The following GALNT9 variants were observed in gnomAD, a reference collection of about 807,000 sequenced individuals.
GALNT9 encodes polypeptide N-acetylgalactosaminyltransferase 9, also known as GalNAc transferase 9.
GALNT9 carries 47 observed loss-of-function variants against 63.1 expected under a neutral mutation model. That is an observed-to-expected ratio of 0.75 (90% CI 0.59 to 0.95). GALNT9 has a LOEUF of 0.95. Ranked by LOEUF, GALNT9 falls within the 40% of genes least tolerant of loss-of-function variation. GALNT9 has a pLI of 0.00. For synonymous variants in GALNT9, 396 were observed against 365.7 expected (o/e 1.08, Z -0.94); for missense variants, 829 against 874.8 (o/e 0.95, Z 0.66).
intron 6 of GALNT9, among the ~76,000 whole-genome samples, chr12:132,228,010 T>A (rs1716054039): frequency 6.6e-6 from 1 of 152,012 alleles, no homozygotes; most frequent in South Asian, 2.1e-4. Flanking sequence ...GAGTGGCCCG[T>A]CTTGTAGCTA....
At chr12:132,276,622 T>C (rs2135554467) in intron 2 of GALNT9, 1 of 154,538 alleles carries the variant, frequency 6.5e-6, no homozygotes, top group South Asian at 2.0e-4. Flanking sequence ...AGCAGGGGCA[T>C]GTTACTGTGC....
rs1453230793 is a variant in GALNT9, at chr12:132,252,018, G to A, written c.960-3991C>T. ...ACCTTGCTCACGTGATGGGGGTGCC[G>A]GATCTTAACTGGGATCCCAGGAATC... On this transcript the variant is annotated intron_variant, in intron 5 of 10. Transcript: ENST00000328957. The surrounding 1 kb of genome is among the most constrained non-coding windows in gnomAD (Gnocchi z 5.2). 2.6e-5 allele frequency among the ~76,000 whole-genome samples: 4 copies of A among 152,222 alleles called. No individual in the cohort carries two copies. The highest frequency in any genetic ancestry group is 4.4e-5 in the Non-Finnish European group (3 of 68,042).
chr12:132,308,606 G>A (rs1555244865), intron 1 of GALNT9, among the ~76,000 whole-genome samples: 1 of 152,156 alleles, frequency 6.6e-6, no homozygotes, highest in Admixed American at 6.5e-5. Context: ...AGGGACCCTC[G>A]ACCGCCAGGG....
chr12:132,257,838 C>A lies in GALNT9; in HGVS notation c.810G>T (p.Val270=), dbSNP rs1043834119. 1.9e-6 allele frequency: 3 copies of A among 1,549,502 alleles called. No individual in the cohort carries two copies. The highest frequency in any genetic ancestry group is 2.7e-5 in the African/African-American group (2 of 73,024). The change falls in exon 5 of 11, where the codon GTG becomes GTT. Residue 270 remains valine (V), a synonymous_variant. Coordinates refer to ENST00000328957, the MANE Select transcript of GALNT9 (RefSeq NM_001122636.2). The part of the protein sequence containing the change: ...SRIREDRRRI[V]LPAIDNIKYS... ...ACTTGATGTTGTCGATGGCTGGCAG[C>A]ACGATGCGACGCCGGTCCTCTCGGA... is the stretch of plus-strand genomic sequence containing the variant.
At chr12:132,306,460 G>A (rs1412950230) in intron 1 of GALNT9, among the ~76,000 whole-genome samples, 1 of 152,216 alleles carries the variant, frequency 6.6e-6, no homozygotes, top group Non-Finnish European at 1.5e-5. Flanking sequence ...GGGGTCTGGG[G>A]GCCGAGGTCC....
chr12:132,226,538 ACACAACC>A (rs1384011190), intron 6 of GALNT9, among the ~76,000 whole-genome samples: 1 of 146,448 alleles, frequency 6.8e-6, no homozygotes, highest in Admixed American at 6.8e-5. Context: ...CATACACAAC[ACACAACC>A]CACACCCCAC....
intron 7 of GALNT9, 61 bp from the exon 8 acceptor site, chr12:132,201,322 A>G (rs1036110562): frequency 5.6e-6 from 7 of 1,240,420 alleles, no homozygotes; most frequent in Non-Finnish European, 8.2e-6. Context: ...GGTCTTCCCC[A>G]TAATGAGGTT....
At chr12:132,221,636 G>A (rs1394967453) in intron 6 of GALNT9, among the ~76,000 whole-genome samples, 2 of 124,078 alleles carry the variant, frequency 1.6e-5, no homozygotes, top group Non-Finnish European at 1.6e-5. Context: ...ACTCCAGCCT[G>A]GGTGACAGAG....
intron 5 of GALNT9, among the ~76,000 whole-genome samples, 175 bp downstream of exon 5, chr12:132,257,514 G>A (rs545717024): frequency 4.7e-5 from 5 of 105,446 alleles, no homozygotes; most frequent in African/African-American, 7.7e-5. Flanking sequence ...TCATCCCCAC[G>A]CCCTCGTCCC....
At chr12:132,302,959 G>A (rs1209104978) in intron 1 of GALNT9, among the ~76,000 whole-genome samples, 1 of 132,864 alleles carries the variant, frequency 7.5e-6, no homozygotes, top group Non-Finnish European at 1.7e-5. Context: ...CCACTCCGGT[G>A]ACCGTCTAAG....
chr12:132,244,803 G>C (rs1465708691), intron 6 of GALNT9, among the ~76,000 whole-genome samples: 6 of 141,004 alleles, frequency 4.3e-5, no homozygotes, highest in East Asian at 2.1e-4. Context: ...GGGGCTGGAC[G>C]GGCAGCATGG....
rs570478248 is a variant in GALNT9 at position 132,199,460 on chromosome 12, A to G, written c.1402-191T>C. ...GACCGAGTTTGTCACTGATGGAGAC[A>G]TGGAAGTGTCCGCCATGCACAGATG... On this transcript the variant is annotated intron_variant, in intron 8 of 10. Transcript: ENST00000328957. Among the ~76,000 whole-genome samples the G allele has an allele frequency of 2.8e-4, 42 of 152,170 alleles. No homozygotes were observed. In the East Asian group the frequency reaches 7.0e-3, roughly 25 times the overall value.
At chr12:132,215,286 C>A (rs73488310) in intron 6 of GALNT9, among the ~76,000 whole-genome samples, 2,187 of 152,374 alleles carry the variant, frequency 0.014, 45 homozygotes, top group African/African-American at 0.05. Context: ...GCACACCGAG[C>A]TGCAATTTAC....
intron 2 of GALNT9, among the ~76,000 whole-genome samples, chr12:132,264,540 G>A (rs973506152): frequency 6.6e-6 from 1 of 152,352 alleles, no homozygotes; most frequent in South Asian, 2.1e-4. Flanking sequence ...TCTCAGGAAG[G>A]CCTGTCCGCA....
At chr12:132,215,943 CCT>C (rs911070002) in intron 6 of GALNT9, among the ~76,000 whole-genome samples, 4 of 152,146 alleles carry the variant, frequency 2.6e-5, no homozygotes, top group Non-Finnish European at 4.4e-5. Flanking sequence ...TCCCCAATCC[CCT>C]GTCCAGGACT....
chr12:132,275,469 G>C (rs371579189), intron 2 of GALNT9: 8 of 152,286 alleles, frequency 5.3e-5, no homozygotes, highest in Admixed American at 5.2e-4. Flanking sequence ...GAGGAGCACG[G>C]AGAGCTGGCA....
At chr12:132,210,712 T>A (rs978121616) in intron 6 of GALNT9, among the ~76,000 whole-genome samples, 8 of 152,010 alleles carry the variant, frequency 5.3e-5, no homozygotes, top group Non-Finnish European at 1.0e-4. Flanking sequence ...ACCATCTTAA[T>A]GGTTGAATTG....
chr12:132,322,767 G>C (rs1236605624), intron 1 of GALNT9, among the ~76,000 whole-genome samples: 1 of 152,206 alleles, frequency 6.6e-6, no homozygotes, highest in Non-Finnish European at 1.5e-5. Flanking sequence ...GCCCAGGGCC[G>C]AGCTGCTTCC....
intron 1 of GALNT9, among the ~76,000 whole-genome samples, chr12:132,301,532 C>T (rs1881295868): frequency 1.3e-5 from 2 of 152,268 alleles, no homozygotes; most frequent in Non-Finnish European, 2.9e-5. Flanking sequence ...TCGGCCCCTG[C>T]CCCTCCCAAT....
Sources: gnomAD v4.1 joint callset for allele counts (sites outside exome capture counted in the v4.1 genomes callset) on GRCh38, gnomAD v4.1.1 for gene constraint, Gnocchi (gnomAD v3.1) non-coding constraint, MANE v1.5 for transcripts, NCBI Gene and HGNC (gene_info 2026-07-23, HGNC 2026-07-21) for gene names.